The following RALGAPA1 variants were observed in gnomAD, a reference collection of about 807,000 sequenced individuals.
RALGAPA1 encodes the protein Ral GTPase activating protein catalytic subunit alpha 1.
In RALGAPA1, 52 loss-of-function variants were observed where a neutral mutation model predicts 269.6. The observed-to-expected ratio is 0.19, with a 90% CI of 0.15 to 0.24. The LOEUF is 0.24. Ranked by LOEUF, RALGAPA1 falls within the 10% of genes least tolerant of loss-of-function variation. The pLI, the probability that RALGAPA1 is intolerant of heterozygous loss-of-function variation, is 1.00. For synonymous variants in RALGAPA1, 817 were observed against 1,008.3 expected, an observed-to-expected ratio of 0.81 and a Z score of 3.60; for missense variants, 1,917 against 3,013.9, an observed-to-expected ratio of 0.64 and a Z score of 8.52.
At chr14:35,762,402 C>A (rs988334993) in intron 5 of RALGAPA1, among the ~76,000 whole-genome samples, 2 of 152,122 alleles carry the variant, frequency 1.3e-5, no homozygotes, top group Non-Finnish European at 2.9e-5. Context: ...AGTACAGGCA[C>A]GTGCCACCAC....
chr14:35,794,423 A>T (rs1209324156), intron 1 of RALGAPA1, among the ~76,000 whole-genome samples: 1 of 152,080 alleles, frequency 6.6e-6, no homozygotes, highest in Non-Finnish European at 1.5e-5. Flanking sequence ...ATTTTCAGCC[A>T]AATCTGTTAA....
intron 10 of RALGAPA1, among the ~76,000 whole-genome samples, chr14:35,747,961 T>C (rs2072281262): frequency 6.6e-6 from 1 of 151,988 alleles, no homozygotes. Context: ...TCAGAATGCC[T>C]TAGAGGACAA....
At chr14:35,625,573 C>A in intron 34 of RALGAPA1, 141 bp from the exon 35 acceptor site, 1 of 510,934 alleles carries the variant, frequency 2.0e-6, no homozygotes, top group South Asian at 3.4e-5. Context: ...AGAACAGACC[C>A]TAAAAAAAAT....
chr14:35,558,876 G>A (rs1394102162), intron 39 of RALGAPA1, among the ~76,000 whole-genome samples: 1 of 152,096 alleles, frequency 6.6e-6, no homozygotes, highest in East Asian at 1.9e-4. Context: ...TCAAGAGCCA[G>A]GTTTTATCAG....
intron 3 of RALGAPA1, 88 bp downstream of exon 3, chr14:35,774,918 T>C (rs557904622): frequency 2.5e-6 from 2 of 802,762 alleles, no homozygotes; most frequent in Non-Finnish European, 4.1e-6. Context: ...GAGTGTTTCA[T>C]TACATGTTTT....
intron 28 of RALGAPA1, among the ~76,000 whole-genome samples, chr14:35,658,669 T>C (rs1451420840): frequency 6.6e-6 from 1 of 151,718 alleles, no homozygotes; most frequent in African/African-American, 2.4e-5. Flanking sequence ...AATCTAAAAC[T>C]ATGACATATT....
chr14:35,735,827 T>C (rs1456352033), intron 12 of RALGAPA1, among the ~76,000 whole-genome samples: 1 of 152,188 alleles, frequency 6.6e-6, no homozygotes, highest in Non-Finnish European at 1.5e-5. Flanking sequence ...AGATATTAAA[T>C]TATTTCATTT....
chr14:35,625,722 T>C (rs757078905), intron 34 of RALGAPA1, among the ~76,000 whole-genome samples: 2 of 152,210 alleles, frequency 1.3e-5, no homozygotes, highest in Non-Finnish European at 2.9e-5. Context: ...ATAAAAGTAC[T>C]TTGTATTTCT....
chr14:35,656,266 A>C (rs769092910), intron 28 of RALGAPA1, among the ~76,000 whole-genome samples: 8 of 152,210 alleles, frequency 5.3e-5, no homozygotes, highest in Non-Finnish European at 1.2e-4. Flanking sequence ...TTGACTGATA[A>C]CAGCAAAATG....
intron 36 of RALGAPA1, among the ~76,000 whole-genome samples, chr14:35,602,795 G>A (rs1272311801): frequency 6.6e-6 from 1 of 152,060 alleles, no homozygotes; most frequent in Non-Finnish European, 1.5e-5. Flanking sequence ...CATGATTTGT[G>A]TCTTATCTAA....
intron 10 of RALGAPA1, among the ~76,000 whole-genome samples, 198 bp from the exon 11 acceptor site, chr14:35,742,763 T>TAAA (rs199500409): frequency 7.8e-6 from 1 of 128,726 alleles, no homozygotes; most frequent in Non-Finnish European, 1.7e-5. Context: ...ATATTTCTAG[T>TAAA]AAAAAAAAAA....
At chr14:35,755,212 C>T (rs1327192122) in intron 7 of RALGAPA1, among the ~76,000 whole-genome samples, 2 of 151,584 alleles carry the variant, frequency 1.3e-5, no homozygotes, top group Admixed American at 6.6e-5. Flanking sequence ...AGTTTTAGTT[C>T]GCCAGGCTCA....
chr14:35,700,724 T>C (rs1390062200), intron 16 of RALGAPA1, among the ~76,000 whole-genome samples: 4 of 152,190 alleles, frequency 2.6e-5, no homozygotes, highest in Admixed American at 1.3e-4. Context: ...CCATTCTTAC[T>C]AACGAGGCTG....
intron 35 of RALGAPA1, among the ~76,000 whole-genome samples, chr14:35,609,412 T>C (rs145700370): frequency 8.6e-5 from 13 of 151,816 alleles, no homozygotes; most frequent in Non-Finnish European, 1.9e-4. Flanking sequence ...GGTCAAAGAA[T>C]AAATCTCAAG....
intron 27 of RALGAPA1, among the ~76,000 whole-genome samples, chr14:35,663,911 C>T (rs1270641756): frequency 6.6e-6 from 1 of 151,994 alleles, no homozygotes; most frequent in Non-Finnish European, 1.5e-5. Context: ...CATACATAGG[C>T]ATTCAGTTAA....
intron 35 of RALGAPA1, among the ~76,000 whole-genome samples, chr14:35,613,205 C>T (rs1050954228): frequency 2.0e-4 from 30 of 151,882 alleles, no homozygotes; most frequent in African/African-American, 7.3e-4. Flanking sequence ...TCTCAGCCTC[C>T]TGAGTAACAG....
chr14:35,607,661 G>C (rs2059681092), intron 35 of RALGAPA1, among the ~76,000 whole-genome samples: 2 of 152,204 alleles, frequency 1.3e-5, no homozygotes, highest in Admixed American at 6.5e-5. Context: ...GTTGTAGTGA[G>C]AGATAGGTTT....
Position 35,689,502 on chromosome 14 carries a change from A to G in RALGAPA1, c.2909T>C (p.Ile970Thr), listed in dbSNP as rs1567010949. 8.1e-7 allele frequency: 1 copy of G among 1,238,500 alleles called. No homozygotes were observed. Among genetic ancestry groups the G allele is most frequent in the Admixed American group, 4.1e-5 (1 of 24,106 alleles). 76.7% of individuals were successfully genotyped at this position (1,238,500 alleles called of 1,614,324 possible). Residue 970 changes from isoleucine to threonine, a missense_variant, in exon 18 of 42, where the codon ATT becomes ACT. Ile to Thr is a moderately conservative substitution (Grantham distance 89). Transcript: ENST00000680220. ...TAATCTTTCACCCCTATTTACTGCA[A>G]TAGTCACTTCCTGAGAAGCTGGGTC... ...GKDPASQEVTIAVNRGERLSL... is the reference protein window; with the variant it reads ...GKDPASQEVTTAVNRGERLSL...
chr14:35,707,346 T>G (rs969121427), intron 16 of RALGAPA1: 1 of 152,196 alleles, frequency 6.6e-6, no homozygotes, highest in Non-Finnish European at 1.5e-5. Flanking sequence ...CTTACAGGAA[T>G]AGTGAGATAT....
Sources: allele counts gnomAD v4.1 joint callset (sites outside exome capture counted in the v4.1 genomes callset), GRCh38; gene constraint gnomAD v4.1.1; transcripts MANE v1.5; gene names NCBI Gene and HGNC (gene_info 2026-07-23, HGNC 2026-07-21).